PTPRT: variants seen among roughly 807,000 people sequenced by gnomAD.
The protein encoded by PTPRT is protein tyrosine phosphatase receptor type T, also known as receptor-type tyrosine-protein phosphatase T.
A neutral mutation model predicts 176.8 loss-of-function variants in PTPRT; 56 were observed. That is an observed-to-expected ratio of 0.32 (90% CI 0.26 to 0.40). The LOEUF is 0.40. PTPRT is among the 10% of genes least tolerant of loss of function. PTPRT has a pLI of 1.00. For synonymous variants in PTPRT, 783 were observed against 739.0 expected (o/e 1.06, Z -0.96); for missense variants, 1,540 against 1,908.2 (o/e 0.81, Z 3.60).
chr20:43,032,861 C>T (rs1174558281), intron 1 of PTPRT, among the ~76,000 whole-genome samples: 1 of 152,218 alleles, frequency 6.6e-6, no homozygotes, highest in Non-Finnish European at 1.5e-5. Context: ...AGATGTCCAG[C>T]TCCCTTTCCA....
chr20:42,676,503 G>A (rs867874253), intron 7 of PTPRT, among the ~76,000 whole-genome samples: 4 of 151,132 alleles, frequency 2.6e-5, no homozygotes, highest in East Asian at 1.9e-4. Context: ...AGCCACACCC[G>A]CCTCCACTAG....
At chr20:42,094,821 C>T (rs1040407899) in intron 27 of PTPRT, among the ~76,000 whole-genome samples, 4 of 152,070 alleles carry the variant, frequency 2.6e-5, no homozygotes, top group Admixed American at 2.6e-4. Flanking sequence ...ACCCAGGAGG[C>T]GGCAGAGTTG....
At chr20:43,118,611 T>A (rs1427239352) in intron 1 of PTPRT, among the ~76,000 whole-genome samples, 1 of 152,186 alleles carries the variant, frequency 6.6e-6, no homozygotes, top group Non-Finnish European at 1.5e-5. Flanking sequence ...GGCTAATTTT[T>A]GTATTTTTAG....
At chr20:43,014,352 A>T (rs1027665062) in intron 1 of PTPRT, among the ~76,000 whole-genome samples, 9 of 152,234 alleles carry the variant, frequency 5.9e-5, no homozygotes, top group African/African-American at 2.2e-4. Flanking sequence ...CCATTTAGTG[A>T]AAGATTTAAT....
chr20:42,328,537 C>T (rs1408431155), intron 11 of PTPRT, among the ~76,000 whole-genome samples: 1 of 151,522 alleles, frequency 6.6e-6, no homozygotes, highest in Non-Finnish European at 1.5e-5. Flanking sequence ...TAAATAAATC[C>T]AAGTAGAAAA....
intron 15 of PTPRT, among the ~76,000 whole-genome samples, chr20:42,211,216 C>T (rs1198406107): frequency 6.6e-6 from 1 of 152,026 alleles, no homozygotes; most frequent in African/African-American, 2.4e-5. Flanking sequence ...TAGGCATTAC[C>T]ATTCAGGACA....
At chr20:42,276,333 G>T (rs1331386052) in intron 13 of PTPRT, among the ~76,000 whole-genome samples, 1 of 150,338 alleles carries the variant, frequency 6.7e-6, no homozygotes, top group Admixed American at 6.6e-5. Context: ...GATCTAACCT[G>T]TATCCATTTG....
chr20:42,933,143 C>T (rs559084973), intron 1 of PTPRT, among the ~76,000 whole-genome samples: 25 of 152,176 alleles, frequency 1.6e-4, no homozygotes, highest in Non-Finnish European at 2.9e-4. Flanking sequence ...TTGCACCCAA[C>T]AGCCTTGCAC....
intron 7 of PTPRT, among the ~76,000 whole-genome samples, chr20:42,499,720 G>T (rs186180451): frequency 1.3e-5 from 2 of 152,026 alleles, no homozygotes; most frequent in African/African-American, 4.8e-5. Flanking sequence ...TGCATGATGC[G>T]TCTGCAAGTT....
At chr20:42,199,492 A>C in intron 15 of PTPRT, 104 bp from the exon 16 acceptor site, 10 of 1,272,722 alleles carry the variant, frequency 7.9e-6, no homozygotes, top group Non-Finnish European at 9.8e-6. Context: ...CAACCCCCAA[A>C]TCTGGTTCAT....
At chr20:42,304,519 C>T (rs573842497) in intron 12 of PTPRT, among the ~76,000 whole-genome samples, 1 of 152,234 alleles carries the variant, frequency 6.6e-6, no homozygotes, top group East Asian at 1.9e-4. Flanking sequence ...GAAGAAGAGA[C>T]TCAGAGAGCC....
chr20:43,044,793 A>G (rs1986768231), intron 1 of PTPRT, among the ~76,000 whole-genome samples: 1 of 152,188 alleles, frequency 6.6e-6, no homozygotes, highest in Non-Finnish European at 1.5e-5. Context: ...ACTCAATAAA[A>G]TATTATTGAA....
At chr20:42,569,540 G>A (rs564296571) in intron 7 of PTPRT, among the ~76,000 whole-genome samples, 47 of 152,212 alleles carry the variant, frequency 3.1e-4, no homozygotes, top group Admixed American at 5.2e-4. Context: ...AAATGCCTGA[G>A]TCTGCACCCT....
the PTPRT span, among the ~76,000 whole-genome samples, chr20:42,033,216 G>A: frequency 5.3e-5 from 8 of 152,202 alleles, no homozygotes; most frequent in Admixed American, 2.0e-4. Flanking sequence ...ATAGGAAGGC[G>A]AAGAGTCTGA....
At chr20:42,560,301 T>C (rs1451280348) in intron 7 of PTPRT, among the ~76,000 whole-genome samples, 1 of 152,206 alleles carries the variant, frequency 6.6e-6, no homozygotes, top group East Asian at 1.9e-4. Context: ...GGTTGGGCAG[T>C]GATTCTCTCC....
chr20:42,227,310 T>C (rs920274867), intron 15 of PTPRT, among the ~76,000 whole-genome samples: 8 of 152,136 alleles, frequency 5.3e-5, no homozygotes, highest in African/African-American at 1.9e-4. Flanking sequence ...GGGGAGGCCC[T>C]GAAGCTGGGG....
chr20:42,959,718 C>T (rs200536291), intron 1 of PTPRT, among the ~76,000 whole-genome samples: 2 of 152,146 alleles, frequency 1.3e-5, no homozygotes, highest in African/African-American at 2.4e-5. Flanking sequence ...AGCGCCTACC[C>T]CAAGGGAGCT....
intron 24 of PTPRT, 149 bp downstream of exon 24, chr20:42,106,637 G>C (rs1423735663): frequency 3.3e-5 from 35 of 1,076,294 alleles, no homozygotes; most frequent in Non-Finnish European, 4.5e-5. Flanking sequence ...TCTCACCATA[G>C]TAAGCCACGT....
chr20:43,118,266 A>G (rs1420536820), intron 1 of PTPRT, among the ~76,000 whole-genome samples: 1 of 152,200 alleles, frequency 6.6e-6, no homozygotes, highest in African/African-American at 2.4e-5. Flanking sequence ...GAGCTAAAAG[A>G]ATGAGTAAAT....
Sources: gnomAD v4.1 joint callset for allele counts (sites outside exome capture counted in the v4.1 genomes callset) on GRCh38, gnomAD v4.1.1 for gene constraint, MANE v1.5 for transcripts, NCBI Gene and HGNC (gene_info 2026-07-23, HGNC 2026-07-21) for gene names.